CCDC171: variants seen among roughly 807,000 people sequenced by gnomAD.
CCDC171 encodes coiled-coil domain containing 171.
CCDC171 carries 177 observed loss-of-function variants against 168.2 expected under a neutral mutation model. That is an observed-to-expected ratio of 1.05 (90% confidence interval 0.93 to 1.19). CCDC171 has a LOEUF of 1.19. CCDC171 is among the 50% of genes most tolerant of loss of function. The pLI, the probability that CCDC171 is intolerant of heterozygous loss-of-function variation, is 0.00. For synonymous variants in CCDC171, 687 were observed against 540.8 expected (o/e 1.27, Z -3.75); for missense variants, 1,991 against 1,539.0 (o/e 1.29, Z -4.91).
At chr9:15,650,051 A>G (rs1018278141) in intron 7 of CCDC171, among the ~76,000 whole-genome samples, 10 of 152,240 alleles carry the variant, frequency 6.6e-5, no homozygotes. Flanking sequence ...GATATACACC[A>G]TGGAATACTA....
intron 6 of CCDC171, among the ~76,000 whole-genome samples, chr9:16,034,264 GCGTC>G (rs1833422962): frequency 1.3e-5 from 2 of 152,158 alleles, no homozygotes; most frequent in Admixed American, 1.3e-4. Flanking sequence ...CCCACCATTG[GCGTC>G]TATCAGCCTT....
At chr9:15,686,802 A>G (rs988259679) in intron 10 of CCDC171, among the ~76,000 whole-genome samples, 2 of 152,228 alleles carry the variant, frequency 1.3e-5, no homozygotes, top group Admixed American at 6.5e-5. Flanking sequence ...ATAGACAACA[A>G]TAATATTTCG....
At position 15,647,200 on chromosome 9, in the gene CCDC171, C is replaced by G. The variant is rs185162972; in HGVS notation, c.823-9927C>G. Among the ~76,000 whole-genome samples, 607 of 152,020 alleles carry G rather than the reference C, an allele frequency of 4.0e-3. 6 individuals are homozygous for G. The highest frequency in any genetic ancestry group is 0.014 in the African/African-American group (575 of 41,494). ...CAGAAATAAAGATGTTCTTTGAAAC[C>G]AACGAGAACAAAGACACAACATACC... On this transcript the variant is annotated intron_variant, in intron 7 of 25. Coordinates refer to ENST00000380701, the MANE Select transcript of CCDC171 (RefSeq NM_173550.4).
intron 6 of CCDC171, among the ~76,000 whole-genome samples, chr9:15,613,196 C>T (rs570675966): frequency 1.3e-5 from 2 of 152,272 alleles, no homozygotes; most frequent in South Asian, 2.1e-4. Flanking sequence ...AGTTTCTCTA[C>T]GTCTTTGCCA....
intron 21 of CCDC171, among the ~76,000 whole-genome samples, chr9:15,822,949 T>G (rs920660007): frequency 1.3e-5 from 2 of 152,094 alleles, no homozygotes; most frequent in African/African-American, 2.4e-5. Flanking sequence ...TGTCCAACAA[T>G]GATAGACTGG....
intron 7 of CCDC171, 50 bp downstream of exon 7, chr9:15,623,463 A>C: frequency 6.3e-6 from 4 of 633,906 alleles, no homozygotes; most frequent in Non-Finnish European, 5.2e-6. Flanking sequence ...ACTTTCACAT[A>C]TGCGCGCGCG....
intron 21 of CCDC171, among the ~76,000 whole-genome samples, chr9:15,807,743 G>C (rs1026475488): frequency 3.3e-5 from 5 of 151,488 alleles, no homozygotes; most frequent in Admixed American, 2.0e-4. Context: ...TATTTTTTAG[G>C]GTAATTTCTT....
intron 7 of CCDC171, among the ~76,000 whole-genome samples, chr9:15,646,643 A>G (rs571574867): frequency 2.2e-4 from 28 of 126,984 alleles, no homozygotes; most frequent in Admixed American, 1.3e-3. Flanking sequence ...AAAGATCAAA[A>G]GAGACAAAGA....
At chr9:15,654,221 T>C (rs1039265210) in intron 7 of CCDC171, among the ~76,000 whole-genome samples, 5 of 152,062 alleles carry the variant, frequency 3.3e-5, no homozygotes, top group Non-Finnish European at 7.4e-5. Flanking sequence ...AAACCAAAAC[T>C]ATTTTCTAGT....
At chr9:15,652,899 T>C (rs2047635808) in intron 7 of CCDC171, among the ~76,000 whole-genome samples, 1 of 152,256 alleles carries the variant, frequency 6.6e-6, no homozygotes, top group South Asian at 2.1e-4. Context: ...GATGATGTAA[T>C]TGCTTTTTTA....
intron 9 of CCDC171, among the ~76,000 whole-genome samples, chr9:15,669,903 G>T (rs1004156578): frequency 1.4e-5 from 2 of 146,146 alleles, no homozygotes; most frequent in African/African-American, 5.1e-5. Context: ...GTCCAAAGAT[G>T]GCTATTTGTT....
At chr9:15,813,120 C>G (rs2059426304) in intron 21 of CCDC171, among the ~76,000 whole-genome samples, 2 of 152,328 alleles carry the variant, frequency 1.3e-5, no homozygotes, top group South Asian at 4.1e-4. Flanking sequence ...TCTTCAAGCC[C>G]ATTTCCTTCT....
At position 15,680,877 on chromosome 9, in the gene CCDC171, A is replaced by G. The variant is rs769097198; in HGVS notation, c.1215+1981A>G. 4.1e-4 allele frequency among the ~76,000 whole-genome samples: 63 copies of G among 152,180 alleles called. 1 individual carries two copies. Among genetic ancestry groups the G allele is most frequent in the Admixed American group, 4.0e-3 (61 of 15,258 alleles). ...GTAGTTTGGAAAATAAGCCAGGGTT[A>G]TAACTAAAAATGCAAGAGTTAAGAC... is the stretch of plus-strand genomic sequence containing the variant. On this transcript the variant is annotated intron_variant, in intron 10 of 25. Coordinates refer to ENST00000380701, the MANE Select transcript of CCDC171 (RefSeq NM_173550.4).
At chr9:15,938,472 A>G (rs1166544586) in intron 25 of CCDC171, among the ~76,000 whole-genome samples, 1 of 151,894 alleles carries the variant, frequency 6.6e-6, no homozygotes, top group Admixed American at 6.6e-5. Flanking sequence ...ATGACTGTAT[A>G]TAAAGACTCA....
intron 4 of CCDC171, among the ~76,000 whole-genome samples, chr9:15,586,521 C>G (rs1289676843): frequency 6.6e-6 from 1 of 152,072 alleles, no homozygotes. Context: ...AGTCAAAAGG[C>G]TTATAAACTG....
intron 18 of CCDC171, among the ~76,000 whole-genome samples, chr9:15,771,673 G>A (rs1330036045): frequency 6.6e-6 from 1 of 151,934 alleles, no homozygotes; most frequent in Non-Finnish European, 1.5e-5. Context: ...TTTTTGTTAT[G>A]GTAAGTTACT....
intron 25 of CCDC171, 27 bp downstream of exon 25, chr9:15,920,449 A>T: frequency 2.0e-6 from 3 of 1,535,050 alleles, no homozygotes; most frequent in Non-Finnish European, 2.7e-6. Flanking sequence ...CAATATTTTT[A>T]TAACTTTTTG....
At chr9:15,683,347 T>A (rs1232604599) in intron 10 of CCDC171, among the ~76,000 whole-genome samples, 1 of 152,028 alleles carries the variant, frequency 6.6e-6, no homozygotes, top group Non-Finnish European at 1.5e-5. Flanking sequence ...GAAGGTAATA[T>A]TTCTTGATAA....
intron 23 of CCDC171, among the ~76,000 whole-genome samples, chr9:15,857,545 C>G (rs1351192145): frequency 6.6e-6 from 1 of 151,896 alleles, no homozygotes; most frequent in African/African-American, 2.4e-5. Flanking sequence ...TCCTCAACCT[C>G]CTAAGTAGCT....
Sources: gnomAD v4.1 joint callset for allele counts (sites outside exome capture counted in the v4.1 genomes callset) on GRCh38, gnomAD v4.1.1 for gene constraint, MANE v1.5 for transcripts, NCBI Gene and HGNC (gene_info 2026-07-23, HGNC 2026-07-21) for gene names.